CRB1: variants seen among roughly 807,000 people sequenced by gnomAD.
The protein encoded by CRB1 is protein crumbs homolog 1.
In CRB1, 83 loss-of-function variants were observed where a neutral mutation model predicts 120.0. The ratio of observed to expected loss-of-function variants is 0.69; its 90% CI spans 0.58 to 0.83. The LOEUF (loss-of-function observed/expected upper bound fraction) is 0.83, where lower values mean the gene tolerates loss of function less well. Ranked by LOEUF, CRB1 falls within the 40% of genes least tolerant of loss-of-function variation. The pLI is 0.00. For missense variants in CRB1, 1,699 were observed against 1,687.6 expected, an observed-to-expected ratio of 1.01 and a Z score of -0.12; for synonymous variants, 625 against 612.5, an observed-to-expected ratio of 1.02 and a Z score of -0.30.
At chr1:197,402,720 AT>A (rs2125435638) in intron 5 of CRB1, among the ~76,000 whole-genome samples, 1 of 152,274 alleles carries the variant, frequency 6.6e-6, no homozygotes, top group Non-Finnish European at 1.5e-5. Context: ...CAGTTTTAAA[AT>A]TTTTATTGAA....
At chr1:197,290,657 C>A (rs1164822593) in intron 1 of CRB1, among the ~76,000 whole-genome samples, 1 of 151,644 alleles carries the variant, frequency 6.6e-6, no homozygotes, top group Non-Finnish European at 1.5e-5. Flanking sequence ...CCTGTGTTAC[C>A]TGGTGATCTC....
intron 5 of CRB1, among the ~76,000 whole-genome samples, chr1:197,412,009 T>C (rs956813724): frequency 3.3e-5 from 5 of 152,228 alleles, no homozygotes; most frequent in African/African-American, 4.8e-5. Context: ...TCAAGTCCTA[T>C]TGACCAGGAT....
In CRB1 at chr1:197,435,453, C is replaced by T. The variant is rs745915691; in HGVS notation, c.3590C>T (p.Ala1197Val). The change falls in exon 9 of 12, where the codon GCC becomes GTC. Residue 1197 changes from alanine (A) to valine (V), a missense_variant. Transcript: ENST00000367400. ...IHGNCSDRVA[A>V]YHCTCEPGYT... is the part of the protein sequence containing the mutation. ...GGCAACTGCTCTGACAGAGTTGCAG[C>T]CTACCACTGCACATGTGAGCCTGGA... The T allele has an allele frequency of 1.3e-6, 2 of 1,595,276 alleles. No individual in the cohort carries two copies. The highest frequency in any genetic ancestry group is 8.5e-7 in the Non-Finnish European group (1 of 1,170,328).
intron 11 of CRB1, among the ~76,000 whole-genome samples, chr1:197,455,635 G>A (rs1666252190): frequency 6.6e-6 from 1 of 151,954 alleles, no homozygotes; most frequent in South Asian, 2.1e-4. Flanking sequence ...GAAGACTGTA[G>A]GAATTTACTA....
At chr1:197,357,056 T>C in intron 5 of CRB1, 43 bp downstream of exon 5, 1 of 1,591,112 alleles carries the variant, frequency 6.3e-7, no homozygotes, top group Non-Finnish European at 8.6e-7. Context: ...TTCTGGTATT[T>C]TATGGCAGAC....
At chr1:197,211,391 T>TAGA in the CRB1 span, among the ~76,000 whole-genome samples, 1 of 152,308 alleles carries the variant, frequency 6.6e-6, no homozygotes, top group East Asian at 1.9e-4. Context: ...TTGGGTAACT[T>TAGA]ATATACAATA....
chr1:197,305,768 T>C (rs1024586243), intron 1 of CRB1, among the ~76,000 whole-genome samples: 2 of 151,894 alleles, frequency 1.3e-5, no homozygotes, highest in African/African-American at 2.4e-5. Context: ...TCAATCCTTG[T>C]GAATATTTTC....
intron 5 of CRB1, among the ~76,000 whole-genome samples, chr1:197,414,640 A>C (rs1663877260): frequency 6.6e-6 from 1 of 152,176 alleles, no homozygotes; most frequent in African/African-American, 2.4e-5. Context: ...CCATACTATA[A>C]ATAATTGCAC....
chr1:197,453,125 G>A (rs967001490), intron 11 of CRB1, among the ~76,000 whole-genome samples: 1 of 151,578 alleles, frequency 6.6e-6, no homozygotes, highest in South Asian at 2.1e-4. Flanking sequence ...AATTATAGAA[G>A]GACAAATATT....
At chr1:197,269,253 A>G (rs1410744199) in intron 1 of CRB1, among the ~76,000 whole-genome samples, 1 of 152,238 alleles carries the variant, frequency 6.6e-6, no homozygotes, top group Non-Finnish European at 1.5e-5. Context: ...GAATCTGAAT[A>G]TCAATAAGGC....
At chr1:197,245,285 A>G in the CRB1 span, among the ~76,000 whole-genome samples, 2 of 151,930 alleles carry the variant, frequency 1.3e-5, no homozygotes, top group African/African-American at 2.4e-5. Context: ...AATTTTTTTC[A>G]CTTCAAGAAT....
chr1:197,344,116 A>G (rs1368392592), intron 2 of CRB1, among the ~76,000 whole-genome samples, 165 bp from the exon 3 acceptor site: 2 of 152,210 alleles, frequency 1.3e-5, no homozygotes, highest in South Asian at 2.1e-4. Context: ...GCAACTTCCC[A>G]CAAGCACACC....
the CRB1 span, among the ~76,000 whole-genome samples, chr1:197,218,704 C>T: frequency 6.6e-6 from 1 of 152,138 alleles, no homozygotes; most frequent in African/African-American, 2.4e-5. Flanking sequence ...GGACATGATA[C>T]AGGCAGACAC....
At chr1:197,334,298 A>T (rs527964418) in intron 2 of CRB1, among the ~76,000 whole-genome samples, 183 of 152,330 alleles carry the variant, frequency 1.2e-3, no homozygotes, top group Non-Finnish European at 2.2e-3. Flanking sequence ...CTTTTATATA[A>T]AGCACTTATT....
At chr1:197,327,208 C>T (rs761005579) in intron 1 of CRB1, among the ~76,000 whole-genome samples, 7 of 150,466 alleles carry the variant, frequency 4.7e-5, no homozygotes, top group Admixed American at 6.6e-5. Context: ...TATCCTGACT[C>T]GCTGGTAAAT....
At chr1:197,463,532 G>A (rs1666623042) in intron 11 of CRB1, among the ~76,000 whole-genome samples, 2 of 152,170 alleles carry the variant, frequency 1.3e-5, no homozygotes, top group Admixed American at 6.5e-5. Flanking sequence ...TTATGGGGTA[G>A]ATTTGGGGTT....
chr1:197,450,321 C>G (rs910266101), intron 11 of CRB1, among the ~76,000 whole-genome samples: 12 of 152,172 alleles, frequency 7.9e-5, no homozygotes, highest in Non-Finnish European at 1.5e-4. Flanking sequence ...CACATCAATT[C>G]AGAAGCGCAG....
chr1:197,373,446 G>A (rs1360198843), intron 5 of CRB1, among the ~76,000 whole-genome samples: 1 of 152,154 alleles, frequency 6.6e-6, no homozygotes, highest in African/African-American at 2.4e-5. Context: ...ACATGAGGTT[G>A]TCACTAGGGG....
the CRB1 span, among the ~76,000 whole-genome samples, chr1:197,238,284 CAAAT>C: frequency 6.6e-6 from 1 of 151,900 alleles, no homozygotes; most frequent in Non-Finnish European, 1.5e-5. Flanking sequence ...CAAATGAAGA[CAAAT>C]AAAATGATCC....
Sources: gnomAD v4.1 joint callset for allele counts (sites outside exome capture counted in the v4.1 genomes callset) on GRCh38, gnomAD v4.1.1 for gene constraint, MANE v1.5 for transcripts, NCBI Gene and HGNC (gene_info 2026-07-23, HGNC 2026-07-21) for gene names.